The following CACNG7 variants were observed in gnomAD, a reference collection of about 807,000 sequenced individuals.
CACNG7 encodes calcium voltage-gated channel auxiliary subunit gamma 7, also known as voltage-dependent calcium channel gamma-7 subunit.
A neutral mutation model predicts 26.3 loss-of-function variants in CACNG7; 9 were observed. That is an observed-to-expected ratio of 0.34 (90% CI 0.21 to 0.60). The LOEUF (loss-of-function observed/expected upper bound fraction) is 0.60, where lower values mean the gene tolerates loss of function less well. Among genes scored for constraint, CACNG7 ranks in the 20% least tolerant of loss-of-function variants. CACNG7 has a pLI of 0.81. For synonymous variants in CACNG7, 170 were observed against 157.0 expected (o/e 1.08, Z -0.62); for missense variants, 297 against 380.4 (o/e 0.78, Z 1.82).
At chr19:53,914,639 CGT>C in intron 3 of CACNG7, 53 bp downstream of exon 3, 1 of 1,518,120 alleles carries the variant, frequency 6.6e-7, no homozygotes, top group Non-Finnish European at 9.1e-7. Flanking sequence ...ACAGCCGAGT[CGT>C]GGAGTCCTGG....
chr19:53,914,273 C>CAAAAAAAAAAAAA (rs376053657), intron 2 of CACNG7, among the ~76,000 whole-genome samples: 18 of 107,282 alleles, frequency 1.7e-4, no homozygotes, highest in African/African-American at 7.6e-4. Flanking sequence ...GACTCCATCT[C>CAAAAAAAAAAAAA]AAAAAAAAAA....
intron 4 of CACNG7, among the ~76,000 whole-genome samples, chr19:53,938,309 A>G (rs763257882): frequency 6.6e-6 from 1 of 151,818 alleles, no homozygotes; most frequent in Non-Finnish European, 1.5e-5. Flanking sequence ...GATTGCACCA[A>G]TGCACTCCTG....
rs2069149854 is a variant in CACNG7, at chr19:53,943,162, G to C, written c.*869G>C. The C allele has an allele frequency of 6.6e-6, 1 of 152,086 alleles. No individual in the cohort carries two copies. Among genetic ancestry groups the C allele is most frequent in the African/African-American group, 2.4e-5 (1 of 41,418 alleles). The allele number at this position is 152,086 out of a possible 1,614,324, so 9.4% of individuals were successfully genotyped here. On this transcript the variant is annotated 3_prime_UTR_variant, in exon 6 of 6. Transcript: ENST00000391767. ...CAGACGGCCAGAATGGGGACCCTAG[G>C]GTGGAGGGAATTCCCCCACGCCATC...
chr19:53,923,941 T>C (rs2068994183), intron 4 of CACNG7, among the ~76,000 whole-genome samples: 1 of 132,690 alleles, frequency 7.5e-6, no homozygotes, highest in African/African-American at 3.0e-5. Flanking sequence ...AGGTCTGGTA[T>C]TGGTGGAGTT....
At chr19:53,910,148 G>A (rs1442324639) in intron 1 of CACNG7, among the ~76,000 whole-genome samples, 5 of 152,156 alleles carry the variant, frequency 3.3e-5, no homozygotes, top group Admixed American at 6.5e-5. Context: ...GGTCCCAGCT[G>A]AGAGTCAGAG....
At chr19:53,925,024 G>GT (rs2069014108) in intron 4 of CACNG7, among the ~76,000 whole-genome samples, 5 of 94,310 alleles carry the variant, frequency 5.3e-5, no homozygotes, top group South Asian at 3.3e-4. Flanking sequence ...TGGTGGACTT[G>GT]CCTAGGGCTG....
At chr19:53,936,858 C>T (rs1429609145) in intron 4 of CACNG7, among the ~76,000 whole-genome samples, 1 of 152,168 alleles carries the variant, frequency 6.6e-6, no homozygotes, top group African/African-American at 2.4e-5. Flanking sequence ...ATCTGCCCAC[C>T]TTGGCCTCCC....
At chr19:53,928,444 T>G (rs1202265504) in intron 4 of CACNG7, among the ~76,000 whole-genome samples, 1 of 151,984 alleles carries the variant, frequency 6.6e-6, no homozygotes, top group Non-Finnish European at 1.5e-5. Context: ...GCTAATTTTT[T>G]TTTGTATTTT....
rs778583043 is a variant in CACNG7, at chr19:53,940,044, G to T, written c.425-1426G>T. 2.0e-5 allele frequency among the ~76,000 whole-genome samples: 3 copies of T among 152,138 alleles called. No homozygotes were observed. Among genetic ancestry groups the T allele is most frequent in the Admixed American group, 1.3e-4 (2 of 15,254 alleles). ...TGGAAGGAATTTGGGCTTATTCTGT[G>T]TGTGGCACACAGAATGTAGGATTCT... On this transcript the variant is annotated intron_variant, in intron 4 of 5. Coordinates refer to ENST00000391767, the MANE Select transcript of CACNG7 (RefSeq NM_031896.5). The surrounding 1 kb of genome is among the most constrained non-coding windows in gnomAD (Gnocchi z 4.1).
chr19:53,936,478 T>C (rs2069106029), intron 4 of CACNG7, among the ~76,000 whole-genome samples: 1 of 152,230 alleles, frequency 6.6e-6, no homozygotes, highest in African/African-American at 2.4e-5. Flanking sequence ...TGCAGAATGG[T>C]GTTTTCTTCT....
chr19:53,928,577 ATGTT>A (rs1322416077), intron 4 of CACNG7, among the ~76,000 whole-genome samples: 1 of 151,656 alleles, frequency 6.6e-6, no homozygotes, highest in Non-Finnish European at 1.5e-5. Context: ...ACCTGGCAGA[ATGTT>A]TGTTATTTAG....
chr19:53,914,661 G>A (rs1461150437), intron 3 of CACNG7, 75 bp downstream of exon 3: 2 of 1,352,712 alleles, frequency 1.5e-6, no homozygotes, highest in Non-Finnish European at 2.1e-6. Context: ...GGAGGGGGCA[G>A]GACTAGGGAA....
At chr19:53,929,643 C>T (rs2069058110) in intron 4 of CACNG7, among the ~76,000 whole-genome samples, 1 of 151,770 alleles carries the variant, frequency 6.6e-6, no homozygotes, top group Admixed American at 6.6e-5. Context: ...TTTTAGTAGA[C>T]AGAGGGTTTC....
intron 4 of CACNG7, among the ~76,000 whole-genome samples, chr19:53,936,125 T>C (rs1328687901): frequency 1.3e-5 from 2 of 152,022 alleles, no homozygotes; most frequent in Non-Finnish European, 2.9e-5. Flanking sequence ...TTTTTCAATC[T>C]TTCATGTTGA....
chr19:53,910,021 T>G (rs1599960000), intron 1 of CACNG7, among the ~76,000 whole-genome samples: 4 of 149,210 alleles, frequency 2.7e-5, no homozygotes, highest in African/African-American at 7.4e-5. Context: ...GGGGGGAGGG[T>G]CCCAAAGGAG....
At chr19:53,916,100 A>G (rs1429348807) in intron 4 of CACNG7, among the ~76,000 whole-genome samples, 2 of 152,234 alleles carry the variant, frequency 1.3e-5, no homozygotes, top group African/African-American at 4.8e-5. Flanking sequence ...CCATCTGTCT[A>G]TATGTCCAAC....
At chr19:53,938,808 C>T (rs1052423247) in intron 4 of CACNG7, among the ~76,000 whole-genome samples, 1 of 151,472 alleles carries the variant, frequency 6.6e-6, no homozygotes, top group Non-Finnish European at 1.5e-5. Flanking sequence ...ATTAGCCGGG[C>T]GTGGTGGTGT....
At chr19:53,936,105 T>C (rs1303250465) in intron 4 of CACNG7, among the ~76,000 whole-genome samples, 5 of 151,230 alleles carry the variant, frequency 3.3e-5, no homozygotes, top group African/African-American at 9.7e-5. Context: ...CTCTGCTGCC[T>C]TTTTTTTTCT....
At chr19:53,927,219 C>A (rs888450986) in intron 4 of CACNG7, among the ~76,000 whole-genome samples, 1 of 152,122 alleles carries the variant, frequency 6.6e-6, no homozygotes, top group Non-Finnish European at 1.5e-5. Flanking sequence ...TGCGGCGCAG[C>A]TGGGCTGAGA....
Sources: allele counts gnomAD v4.1 joint callset (sites outside exome capture counted in the v4.1 genomes callset), GRCh38; gene constraint gnomAD v4.1.1; non-coding constraint Gnocchi (gnomAD v3.1); transcripts MANE v1.5; gene names NCBI Gene and HGNC (gene_info 2026-07-23, HGNC 2026-07-21).